ZNF609: variants seen among roughly 807,000 people sequenced by gnomAD.
ZNF609 encodes zinc finger protein 609.
In ZNF609, 11 loss-of-function variants were observed where a neutral mutation model predicts 109.5. That is an observed-to-expected ratio of 0.10 (90% CI 0.06 to 0.17). The LOEUF (loss-of-function observed/expected upper bound fraction) is 0.17. ZNF609 is among the 10% of genes least tolerant of loss of function. The probability of loss-of-function intolerance (pLI) is 1.00; values close to 1 mark genes in which losing one functional copy is unlikely to be tolerated. For missense variants in ZNF609, 1,559 were observed against 1,772.4 expected (o/e 0.88, Z 2.16); for synonymous variants, 646 against 662.0 (o/e 0.98, Z 0.37).
At chr15:64,533,378 T>A (rs960916574) in intron 2 of ZNF609, among the ~76,000 whole-genome samples, 2 of 152,206 alleles carry the variant, frequency 1.3e-5, no homozygotes, top group African/African-American at 2.4e-5. Flanking sequence ...TAGTTTTCAA[T>A]CAGTGTTATT....
At chr15:64,496,836 C>G (rs1399369384) in intron 1 of ZNF609, among the ~76,000 whole-genome samples, 1 of 150,716 alleles carries the variant, frequency 6.6e-6, no homozygotes, top group African/African-American at 2.4e-5. Context: ...TTTTTTGAGA[C>G]AGCGTCTCGC....
chr15:64,680,561 T>G (rs1896868743), intron 7 of ZNF609, 85 bp from the exon 8 acceptor site: 4 of 1,133,884 alleles, frequency 3.5e-6, no homozygotes, highest in African/African-American at 3.2e-5. Flanking sequence ...GGCATCTCAC[T>G]TGTGTGTGTG....
chr15:64,602,967 G>A (rs1329253300), intron 2 of ZNF609, among the ~76,000 whole-genome samples: 8 of 133,332 alleles, frequency 6.0e-5, no homozygotes, highest in African/African-American at 1.7e-4. Context: ...GGATGGTCTC[G>A]ATCTCCTGAC....
intron 2 of ZNF609, among the ~76,000 whole-genome samples, chr15:64,577,055 TAC>T (rs1395340992): frequency 3.7e-4 from 9 of 24,572 alleles, no homozygotes; most frequent in East Asian, 3.4e-3. Context: ...CATAAATATA[TAC>T]ATATATGTAT....
chr15:64,496,042 C>T (rs1325891625), intron 1 of ZNF609, among the ~76,000 whole-genome samples: 1 of 152,142 alleles, frequency 6.6e-6, no homozygotes, highest in Non-Finnish European at 1.5e-5. Context: ...TGGTCTTGAA[C>T]TCCTGACCTC....
intron 4 of ZNF609, among the ~76,000 whole-genome samples, chr15:64,672,248 G>A (rs1246345685): frequency 7.4e-5 from 11 of 149,158 alleles, no homozygotes; most frequent in African/African-American, 2.4e-4. Flanking sequence ...TCCTGACCTC[G>A]TGATCCTCCC....
chr15:64,586,533 C>A lies in ZNF609; in HGVS notation c.748-36294C>A, dbSNP rs139501192. Among the ~76,000 whole-genome samples, 1,251 of 152,130 alleles carry A rather than the reference C, an allele frequency of 8.2e-3. 17 individuals carry two copies. The highest frequency in any genetic ancestry group is 0.021 in the African/African-American group (885 of 41,492). ...CATTAGATTCTCATAGGAGCGGGAACCCTATTGTGAACTGCACATGAGAGG... is the reference window on the plus strand; with the variant it reads ...CATTAGATTCTCATAGGAGCGGGAAACCTATTGTGAACTGCACATGAGAGG... On this transcript the variant is annotated intron_variant, in intron 2 of 9. Transcript: ENST00000326648.
intron 2 of ZNF609, chr15:64,528,737 C>T: frequency 9.9e-7 from 1 of 1,011,422 alleles, no homozygotes; most frequent in Admixed American, 1.7e-5. Flanking sequence ...ATTGTCATAC[C>T]AGGAAATTAG....
At chr15:64,681,522 G>T in intron 9 of ZNF609, 135 bp downstream of exon 9, 1 of 723,694 alleles carries the variant, frequency 1.4e-6, no homozygotes. Flanking sequence ...CAAGCCTCTT[G>T]TACAAGAGTC....
chr15:64,492,182 G>T (rs1239413768), intron 1 of ZNF609, among the ~76,000 whole-genome samples: 3 of 152,154 alleles, frequency 2.0e-5, no homozygotes, highest in African/African-American at 7.2e-5. Context: ...GGTGGAGGTT[G>T]CAGTGAGCCG....
chr15:64,576,764 A>G (rs1270918314), intron 2 of ZNF609, among the ~76,000 whole-genome samples: 1 of 144,174 alleles, frequency 6.9e-6, no homozygotes, highest in Non-Finnish European at 1.5e-5. Context: ...TGGAGGTTGC[A>G]GTGAGCTGAG....
rs779995888 is a variant in ZNF609, at chr15:64,674,836, C to T, written c.1982C>T (p.Pro661Leu). The T allele has an allele frequency of 2.3e-5, 37 of 1,613,576 alleles. No individual in the cohort carries two copies. The highest frequency in any genetic ancestry group is 3.1e-5 in the Non-Finnish European group (36 of 1,179,900). Residue 661 changes from proline (P) to leucine (L), a missense_variant, in exon 5 of 10, where the codon CCT (proline) becomes CTT (leucine). Around this residue, in one of 4 missense-constraint regions of ZNF609, gnomAD observed 1,204 missense variants for 1,314.1 expected, o/e 0.92. Coordinates refer to ENST00000326648, the MANE Select transcript of ZNF609 (RefSeq NM_015042.2). ...CTAAAGTCAGCCCGTCCCATTGCCCCTGCCATCCCCCCACAGCAAATCTAC... is the reference window on the plus strand; with the variant it reads ...CTAAAGTCAGCCCGTCCCATTGCCCTTGCCATCCCCCCACAGCAAATCTAC... ...KSLKSARPIA[P>L]AIPPQQIYTF...
At chr15:64,666,522 G>T (rs1386967398) in intron 3 of ZNF609, among the ~76,000 whole-genome samples, 4 of 151,610 alleles carry the variant, frequency 2.6e-5, no homozygotes, top group African/African-American at 7.3e-5. Flanking sequence ...TTTATTTTTT[G>T]AGATGAAGCC....
chr15:64,621,767 CTT>C (rs11327193), intron 2 of ZNF609, among the ~76,000 whole-genome samples: 106,064 of 138,394 alleles, frequency 0.77, 41,562 homozygotes, highest in East Asian at 0.95. Context: ...TTGCTTCTTT[CTT>C]TTTTTTTTTT....
chr15:64,571,007 C>T (rs973852716), intron 2 of ZNF609, among the ~76,000 whole-genome samples: 1 of 152,152 alleles, frequency 6.6e-6, no homozygotes, highest in Non-Finnish European at 1.5e-5. Flanking sequence ...GCCGGGGCAA[C>T]AGAGCGAGAC....
intron 2 of ZNF609, among the ~76,000 whole-genome samples, chr15:64,615,776 T>C (rs754346959): frequency 4.6e-5 from 7 of 152,192 alleles, no homozygotes; most frequent in Non-Finnish European, 8.8e-5. Context: ...CGTGAGCCAC[T>C]GTGCCCAGCT....
At chr15:64,576,318 G>C (rs1004483749) in intron 2 of ZNF609, among the ~76,000 whole-genome samples, 2 of 151,806 alleles carry the variant, frequency 1.3e-5, no homozygotes, top group Non-Finnish European at 2.9e-5. Context: ...AGTTTCATGA[G>C]GCTTTCTTTA....
intron 2 of ZNF609, among the ~76,000 whole-genome samples, chr15:64,605,358 A>T (rs774652687): frequency 1.3e-5 from 2 of 152,202 alleles, no homozygotes; most frequent in Non-Finnish European, 2.9e-5. Context: ...CCCTGCTAGA[A>T]GAAGGGAGGG....
chr15:64,602,716 CTTTTTTTTTTTTTTT>C (rs10600561), intron 2 of ZNF609, among the ~76,000 whole-genome samples: 1 of 55,574 alleles, frequency 1.8e-5, no homozygotes, highest in African/African-American at 6.6e-5. Flanking sequence ...TTTTTTCTTT[CTTTTTTTTTTTTTTT>C]TTTTTTTTTG....
Sources: gnomAD v4.1 joint callset for allele counts (sites outside exome capture counted in the v4.1 genomes callset) on GRCh38, gnomAD v4.1.1 for gene constraint, gnomAD v4.1.1 regional missense constraint, MANE v1.5 for transcripts, NCBI Gene and HGNC (gene_info 2026-07-23, HGNC 2026-07-21) for gene names.